NCR3LG1: variants seen among roughly 807,000 people sequenced by gnomAD.
NCR3LG1 encodes natural killer cell cytotoxicity receptor 3 ligand 1.
In NCR3LG1, 35 loss-of-function variants were observed where a neutral mutation model predicts 34.8. That is an observed-to-expected ratio of 1.01 (90% confidence interval 0.77 to 1.33). The LOEUF is 1.33. Ranked by LOEUF, NCR3LG1 falls within the 40% of genes most tolerant of loss-of-function variation. The pLI, the probability that NCR3LG1 is intolerant of heterozygous loss-of-function variation, is 0.00. For synonymous variants in NCR3LG1, 173 were observed against 163.6 expected (o/e 1.06, Z -0.44); for missense variants, 452 against 423.3 (o/e 1.07, Z -0.60).
intron 2 of NCR3LG1, among the ~76,000 whole-genome samples, chr11:17,366,533 G>A (rs144380690): frequency 6.6e-6 from 1 of 152,288 alleles, no homozygotes; most frequent in East Asian, 1.9e-4. Context: ...AGAGCAATTA[G>A]CAGTCTCTAC....
rs1370293627 is a variant in NCR3LG1, at chr11:17,352,038, A to C, written c.69A>C (p.Glu23Asp). 6 of 424,870 alleles carry C rather than the reference A, an allele frequency of 1.4e-5. No homozygotes were observed. Among genetic ancestry groups the C allele is most frequent in the Non-Finnish European group, 1.8e-5 (5 of 283,498 alleles). 26.3% of individuals were successfully genotyped at this position (424,870 alleles called of 1,614,324 possible). A position where few individuals can be genotyped will look rare whatever the true frequency, so the allele number is the denominator to read the frequency against. Residue 23 changes from glutamate (E) to aspartate (D), a missense_variant and splice_region_variant, in exon 1 of 5, where the codon GAA (glutamate) becomes GAC (aspartate). Glu to Asp is a conservative substitution (Grantham distance 45). Transcript: ENST00000338965. Reference protein sequence around the residue: ...LLILLWALTTEGDLKVEMMAG... With the variant: ...LLILLWALTTDGDLKVEMMAG... Reference sequence around the variant, plus strand: ...TTCTGCTGTGGGCGCTGACGACCGAAGGTAGGGGGCGGCTGGGGTGGGCTG... The same window carrying C: ...TTCTGCTGTGGGCGCTGACGACCGACGGTAGGGGGCGGCTGGGGTGGGCTG...
chr11:17,378,002 AT>A (rs1278190237), downstream of NCR3LG1, among the ~76,000 whole-genome samples: 1 of 152,154 alleles, frequency 6.6e-6, no homozygotes, highest in East Asian at 1.9e-4. Flanking sequence ...TGGATAGGGG[AT>A]TCTATAGTCA....
intron 2 of NCR3LG1, among the ~76,000 whole-genome samples, chr11:17,359,240 C>T (rs908206446): frequency 6.6e-6 from 1 of 152,204 alleles, no homozygotes; most frequent in Non-Finnish European, 1.5e-5. Flanking sequence ...CTAACCTCTG[C>T]ATATACACAT....
chr11:17,354,536 A>ATTC lies in NCR3LG1; in HGVS notation c.71-2106_71-2104dup, dbSNP rs1266055036. The stretch of plus-strand genomic sequence containing the variant: ...TTTCCCTTCTCCCTCCGACCCCCCA[A>ATTC]TTCTTCTTCTTTTTTTTTTTTTTTT... On this transcript the variant is annotated intron_variant, in intron 1 of 4. Transcript: ENST00000338965. Among the ~76,000 whole-genome samples the ATTC allele has an allele frequency of 4.0e-3, 387 of 97,716 alleles. 11 individuals are homozygous for ATTC. Among genetic ancestry groups the ATTC allele is most frequent in the Non-Finnish European group, 5.9e-3 (288 of 48,810 alleles). 64.1% of individuals were successfully genotyped at this position (97,716 alleles called of 152,430 possible). A position where few individuals can be genotyped will look rare whatever the true frequency, so the allele number is the denominator to read the frequency against.
At chr11:17,378,972 C>T (rs1029545237), downstream of NCR3LG1, among the ~76,000 whole-genome samples, 2 of 152,188 alleles carry the variant, frequency 1.3e-5, no homozygotes, top group Non-Finnish European at 2.9e-5. Context: ...CCTGCATGCA[C>T]ACTGGGAGGA....
chr11:17,353,078 C>G (rs1426095157), intron 1 of NCR3LG1, among the ~76,000 whole-genome samples: 1 of 152,200 alleles, frequency 6.6e-6, no homozygotes, highest in Admixed American at 6.5e-5. Flanking sequence ...CCGTGGAGAC[C>G]TTGGCGGCAG....
In NCR3LG1 at chr11:17,367,166, T is replaced by C. The variant is rs1474926587; in HGVS notation, c.579T>C (p.Asp193=). The change falls in exon 3 of 5, where the codon GAT becomes GAC. Residue 193 remains aspartate (D), a synonymous_variant. Transcript: ENST00000338965. ...KFPHPIEISE[D]VITGPTIKNM... ...CCCATCCCATAGAGATTTCTGAGGA[T>C]GTCATCACTGGTCCCACCATCAAGA... The C allele has an allele frequency of 3.3e-6, 5 of 1,536,476 alleles. No homozygotes were observed. The highest frequency in any genetic ancestry group is 4.4e-6 in the Non-Finnish European group (5 of 1,147,042).
chr11:17,360,234 G>A (rs545457207), intron 2 of NCR3LG1, among the ~76,000 whole-genome samples: 1 of 152,176 alleles, frequency 6.6e-6, no homozygotes, highest in East Asian at 1.9e-4. Flanking sequence ...TTTTTTAACT[G>A]GGCTCATTTT....
chr11:17,352,739 G>A (rs1953153000), intron 1 of NCR3LG1, among the ~76,000 whole-genome samples: 1 of 152,008 alleles, frequency 6.6e-6, no homozygotes, highest in African/African-American at 2.4e-5. Flanking sequence ...GCTTTGCTAA[G>A]TTAGGTCTTT....
At chr11:17,358,931 T>G (rs1953240430) in intron 2 of NCR3LG1, among the ~76,000 whole-genome samples, 1 of 152,196 alleles carries the variant, frequency 6.6e-6, no homozygotes, top group African/African-American at 2.4e-5. Flanking sequence ...GTTTTATTAT[T>G]TTATTTTTTG....
In NCR3LG1 at chr11:17,356,664, A is replaced by G; in HGVS notation, c.84A>G (p.Val28=). ...TTATTGCCACAGGTGATCTGAAAGT[A>G]GAGATGATGGCAGGGGGGACTCAGA... ...WALTTEGDLK[V]EMMAGGTQIT... Residue 28 remains valine, a synonymous_variant, in exon 2 of 5, where the codon GTA becomes GTG. Coordinates refer to ENST00000338965, the MANE Select transcript of NCR3LG1 (RefSeq NM_001202439.3). The G allele has an allele frequency of 1.3e-6, 2 of 1,532,698 alleles. No individual in the cohort carries two copies. Among genetic ancestry groups the G allele is most frequent in the Non-Finnish European group, 1.7e-6 (2 of 1,144,780 alleles). The allele number at this position is 1,532,698 out of a possible 1,614,324, so 94.9% of individuals were successfully genotyped here.
In NCR3LG1 at chr11:17,372,123, T is replaced by C. The variant is rs1188633792; in HGVS notation, c.976T>C (p.Trp326Arg). The change falls in exon 5 of 5, where the codon TGG becomes CGG. Residue 326 changes from tryptophan to arginine, a missense_variant. Transcript: ENST00000338965. The part of the protein sequence containing the change: ...EHLIFFCTRA[W>R]PSYQLQDGEA... ...CCTCATATTCTTTTGCACTCGGGCA[T>C]GGCCGTCTTACCAGCTGCAGGATGG... The C allele has an allele frequency of 1.4e-6, 1 of 702,924 alleles. No individual in the cohort carries two copies. The highest frequency in any genetic ancestry group is 2.6e-6 in the Non-Finnish European group (1 of 385,016). The allele number at this position is 702,924 out of a possible 1,614,324, so 43.5% of individuals were successfully genotyped here.
Position 17,372,277 on chromosome 11 carries a change from C to A in NCR3LG1, c.1130C>A (p.Pro377Gln), listed in dbSNP as rs779452407. 1 of 703,134 alleles carries A rather than the reference C, an allele frequency of 1.4e-6. No individual in the cohort carries two copies. 43.6% of individuals were successfully genotyped at this position (703,134 alleles called of 1,614,324 possible). A position where few individuals can be genotyped will look rare whatever the true frequency, so the allele number is the denominator to read the frequency against. The change falls in exon 5 of 5, where the codon CCA (proline) becomes CAA (glutamine). Residue 377 changes from proline (P) to glutamine (Q), a missense_variant. Physicochemically the swap from Pro to Gln is moderately conservative, Grantham distance 76. Coordinates refer to ENST00000338965, the MANE Select transcript of NCR3LG1 (RefSeq NM_001202439.3). ...VQAFFALRDN[P>Q]DLCQCCRIDP... is the part of the protein sequence containing the mutation. ...GCCTTCTTTGCCTTGCGAGACAACC[C>A]AGATCTTTGTCAGTGTTGTAGAATT...
chr11:17,362,749 TTTCTTTCTTTCTTTCTTTCCTTCCTTC>T (rs1953291742), intron 2 of NCR3LG1, among the ~76,000 whole-genome samples: 1 of 108,420 alleles, frequency 9.2e-6, no homozygotes, highest in African/African-American at 5.8e-5. Context: ...TCTTTCTTTC[TTTCTTTCTTTCTTTCTTTCCTTCCTTC>T]CTTCTTTCCT....
In NCR3LG1 at chr11:17,370,263, C is replaced by A. The variant is rs143276027; in HGVS notation, c.858+1299C>A. Among the ~76,000 whole-genome samples, 288 of 152,308 alleles carry A rather than the reference C, an allele frequency of 1.9e-3. 2 individuals carry two copies. The highest frequency in any genetic ancestry group is 3.6e-3 in the Non-Finnish European group (246 of 68,024). ...GCTTATTAAACTTTCACTTCAACTTCATCTTTGGGGTCCGCGCTCCTTAAT... is the reference window on the plus strand; with the variant it reads ...GCTTATTAAACTTTCACTTCAACTTAATCTTTGGGGTCCGCGCTCCTTAAT... On this transcript the variant is annotated intron_variant, in intron 4 of 4. Transcript: ENST00000338965.
rs1953476028 is a variant in NCR3LG1, at chr11:17,376,293, A to G, written c.*3781A>G. On this transcript the variant is annotated 3_prime_UTR_variant, in exon 5 of 5. Coordinates refer to ENST00000338965, the MANE Select transcript of NCR3LG1 (RefSeq NM_001202439.3). Reference sequence around the variant, plus strand: ...GGCCTCTGAGGTGGTGAGAATACTAATTAGTTAAATAATTCCTCACTTTGG... The same window carrying G: ...GGCCTCTGAGGTGGTGAGAATACTAGTTAGTTAAATAATTCCTCACTTTGG... 1 of 152,294 alleles carries G rather than the reference A, an allele frequency of 6.6e-6. No homozygotes were observed. Among genetic ancestry groups the G allele is most frequent in the African/African-American group, 2.4e-5 (1 of 41,568 alleles). 9.4% of individuals were successfully genotyped at this position (152,294 alleles called of 1,614,324 possible).
intron 4 of NCR3LG1, among the ~76,000 whole-genome samples, chr11:17,370,745 G>A (rs958248533): frequency 1.3e-5 from 2 of 152,150 alleles, no homozygotes; most frequent in East Asian, 3.8e-4. Context: ...TCCAGCCCCC[G>A]ACAGCCCGTC....
intron 2 of NCR3LG1, among the ~76,000 whole-genome samples, chr11:17,362,718 TTCTTTCTTTCTTTCTTTC>T: frequency 1.1e-5 from 1 of 92,980 alleles, no homozygotes; most frequent in South Asian, 3.3e-4. Context: ...CTTTCTTTCT[TTCTTTCTTTCTTTCTTTC>T]TTTCTTTCTT....
At position 17,362,769 on chromosome 11, in the gene NCR3LG1, C is replaced by T. The variant is rs146291883; in HGVS notation, c.422-4240C>T. ...CTTTCTTTCTTTCTTTCTTTCTTTC[C>T]TTCCTTCCTTCTTTCCTTCTTTCTC... On this transcript the variant is annotated intron_variant, in intron 2 of 4. Coordinates refer to ENST00000338965, the MANE Select transcript of NCR3LG1 (RefSeq NM_001202439.3). 2.1e-3 allele frequency among the ~76,000 whole-genome samples: 219 copies of T among 103,172 alleles called. 20 individuals are homozygous for T. Among genetic ancestry groups the T allele is most frequent in the African/African-American group, 8.7e-3 (207 of 23,878 alleles). 67.7% of individuals were successfully genotyped at this position (103,172 alleles called of 152,430 possible).
Sources: allele counts gnomAD v4.1 joint callset (sites outside exome capture counted in the v4.1 genomes callset), GRCh38; gene constraint gnomAD v4.1.1; transcripts MANE v1.5; gene names NCBI Gene and HGNC (gene_info 2026-07-23, HGNC 2026-07-21).